Variants in TJP2 observed in about 807,000 individuals in gnomAD.
TJP2 encodes Friedreich ataxia region gene X104 (tight junction protein ZO-2).
In TJP2, 91 loss-of-function variants were observed where a neutral mutation model predicts 133.1. The ratio of observed to expected loss-of-function variants is 0.68; its 90% CI spans 0.58 to 0.81. TJP2 has a LOEUF of 0.81. TJP2 is among the 40% of genes least tolerant of loss of function. TJP2 has a pLI of 0.00. For missense variants in TJP2, 1,541 were observed against 1,565.6 expected (o/e 0.98, Z 0.26); for synonymous variants, 592 against 583.4 (o/e 1.01, Z -0.21).
rs1345615194 is a variant in TJP2, at chr9:69,254,588, C to G, written c.*214C>G. 4.7e-6 allele frequency: 3 copies of G among 640,440 alleles called. No homozygotes were observed. The allele number at this position is 640,440 out of a possible 1,614,324, so 39.7% of individuals were successfully genotyped here. On this transcript the variant is annotated 3_prime_UTR_variant, in exon 23 of 23. Transcript: ENST00000377245. ...GGGACTGGGTTAGAGGAGTCTGTGGCTTTTTGTTCAGAATTAAGCAGAACA... is the reference window on the plus strand; with the variant it reads ...GGGACTGGGTTAGAGGAGTCTGTGGGTTTTTGTTCAGAATTAAGCAGAACA...
rs544724168 is a variant in TJP2 at position 69,209,724 on chromosome 9, A to G, written c.61-2824A>G. Among the ~76,000 whole-genome samples the G allele has an allele frequency of 2.0e-3, 295 of 150,620 alleles. 2 individuals carry two copies. The highest frequency in any genetic ancestry group is 6.6e-3 in the African/African-American group (271 of 40,914). ...AGCCCAGATCGTGCCATTGCACTCC[A>G]GCCTGGGCTGGAGCAAAACTCCATC... On this transcript the variant is annotated intron_variant, in intron 1 of 22. Coordinates refer to ENST00000377245, the MANE Select transcript of TJP2 (RefSeq NM_004817.4).
chr9:69,159,892 TAC>T, intron 2 of TJP2, among the ~76,000 whole-genome samples: 1 of 54,262 alleles, frequency 1.8e-5, no homozygotes, highest in Non-Finnish European at 3.6e-5. Flanking sequence ...AAGAAATATA[TAC>T]ATATATATAT....
intron 1 of TJP2, among the ~76,000 whole-genome samples, chr9:69,207,082 T>G (rs1280688907): frequency 4.6e-5 from 7 of 152,084 alleles, no homozygotes; most frequent in African/African-American, 1.4e-4. Flanking sequence ...GAATGTTATG[T>G]TTTTCATTTC....
chr9:69,213,815 G>C (rs1828130909), intron 2 of TJP2, among the ~76,000 whole-genome samples: 1 of 152,124 alleles, frequency 6.6e-6, no homozygotes, highest in Non-Finnish European at 1.5e-5. Context: ...TTTAGGCTTG[G>C]CATAGAGGAT....
In TJP2 at chr9:69,246,503, G is replaced by T; in HGVS notation, c.2567-187G>T. ...TCCACCTATAATGTGAACTCAAACA[G>T]CTACATGATTAGTAGTTTTAATTGC... is the stretch of plus-strand genomic sequence containing the variant. On this transcript the variant is annotated intron_variant, in intron 17 of 22. Coordinates refer to ENST00000377245, the MANE Select transcript of TJP2 (RefSeq NM_004817.4). 1.1e-5 allele frequency: 7 copies of T among 627,774 alleles called. 1 individual carries two copies. The South Asian group carries it at 1.2e-4, about 11-fold the overall frequency. 38.9% of individuals were successfully genotyped at this position (627,774 alleles called of 1,614,324 possible). A position where few individuals can be genotyped will look rare whatever the true frequency, so the allele number is the denominator to read the frequency against.
upstream of TJP2, among the ~76,000 whole-genome samples, chr9:69,169,975 G>A (rs939787618): frequency 6.6e-6 from 1 of 151,976 alleles, no homozygotes; most frequent in Non-Finnish European, 1.5e-5. Flanking sequence ...CGAGTAGCTG[G>A]GACTACAGGC....
At chr9:69,242,636 A>G (rs879536298) in intron 17 of TJP2, among the ~76,000 whole-genome samples, 3 of 152,212 alleles carry the variant, frequency 2.0e-5, no homozygotes, top group Non-Finnish European at 2.9e-5. Context: ...AACTTTGACC[A>G]GCAAGCTCCA....
rs1157170913 is a variant in TJP2 at position 69,234,379 on chromosome 9, T to TTTCG, written c.1672-57_1672-56insGTTC. On this transcript the variant is annotated intron_variant, in intron 11 of 22. Transcript: ENST00000377245. ...TATAAACTTCTCTGTTTTTTCTTTCTTTCTTTCTTTCTTTCTTTCTTTTTT... is the reference window on the plus strand; with the variant it reads ...TATAAACTTCTCTGTTTTTTCTTTCTTTCGTTCTTTCTTTCTTTCTTTCTTTTTT... The TTTCG allele has an allele frequency of 8.6e-5, 111 of 1,288,436 alleles. 1 individual carries two copies. The Middle Eastern group carries it at 1.2e-3, about 14-fold the overall frequency. The allele number at this position is 1,288,436 out of a possible 1,614,324, so 79.8% of individuals were successfully genotyped here.
chr9:69,246,825 G>C, intron 18 of TJP2, 35 bp downstream of exon 18: 2 of 1,574,488 alleles, frequency 1.3e-6, no homozygotes, highest in Non-Finnish European at 1.7e-6. Flanking sequence ...TGAGGTGAGA[G>C]TCCCTGTTCT....
chr9:69,252,813 AG>A lies in TJP2; in HGVS notation c.3322-1del, dbSNP rs753448684. The stretch of plus-strand genomic sequence containing the variant: ...TATTCTTTTCTTTTTTAATTACCAC[AG>A]ATCGAAATTGCCCAGAAGCATCCTG... On this transcript the variant is annotated splice_acceptor_variant, in intron 21 of 22. Transcript: ENST00000377245. LOFTEE classifies it high-confidence loss of function. 1.2e-6 allele frequency: 2 copies of A among 1,614,064 alleles called. No homozygotes were observed. Among genetic ancestry groups the A allele is most frequent in the Admixed American group, 3.3e-5 (2 of 60,024 alleles).
intron 12 of TJP2, 44 bp downstream of exon 12, chr9:69,234,591 G>GGGGGGGCC: frequency 5.2e-6 from 3 of 572,848 alleles, no homozygotes; most frequent in Non-Finnish European, 1.0e-5. Context: ...TGGGGGTGGG[G>GGGGGGGCC]AGTGGGAAGG....
At chr9:69,238,368 T>A (rs12004431) in intron 15 of TJP2, among the ~76,000 whole-genome samples, 13,235 of 152,302 alleles carry the variant, frequency 0.087, 665 homozygotes, top group African/African-American at 0.13. Context: ...AGCTTTTTTT[T>A]AAATTCAGAA....
chr9:69,185,002 G>A lies in TJP2; in HGVS notation c.60+10570G>A, dbSNP rs113791684. Reference sequence around the variant, plus strand: ...TGGGCTCAGGCGATCCTCCTACCTCGGCCTCCCGAAGTGCTAGGATTATAG... The same window carrying A: ...TGGGCTCAGGCGATCCTCCTACCTCAGCCTCCCGAAGTGCTAGGATTATAG... On this transcript the variant is annotated intron_variant, in intron 1 of 22. Coordinates refer to ENST00000377245, the MANE Select transcript of TJP2 (RefSeq NM_004817.4). 3.4e-3 allele frequency among the ~76,000 whole-genome samples: 514 copies of A among 151,568 alleles called. 2 individuals carry two copies. Among genetic ancestry groups the A allele is most frequent in the African/African-American group, 0.011 (474 of 41,326 alleles).
At chr9:69,179,547 C>T (rs577404693) in intron 1 of TJP2, among the ~76,000 whole-genome samples, 7 of 145,498 alleles carry the variant, frequency 4.8e-5, no homozygotes, top group Non-Finnish European at 8.9e-5. Context: ...CTCCCTCTGT[C>T]GCCCAGGCTG....
Position 69,236,102 on chromosome 9 carries a change from A to G in TJP2, c.1855A>G (p.Thr619Ala), listed in dbSNP as rs766748789. The change falls in exon 13 of 23, where the codon ACT (threonine) becomes GCT (alanine). Residue 619 changes from threonine (T) to alanine (A), a missense_variant. Thr to Ala is a moderately conservative substitution (Grantham distance 58, BLOSUM62 0). Transcript: ENST00000377245. The part of the protein sequence containing the change: ...IRSHFECEKE[T>A]PQSLAFTRGE... Reference sequence around the variant, plus strand: ...AAGCCACTTTGAATGTGAGAAGGAAACTCCACAGAGCCTGGCCTTCACCAG... The same window carrying G: ...AAGCCACTTTGAATGTGAGAAGGAAGCTCCACAGAGCCTGGCCTTCACCAG... 2.5e-6 allele frequency: 4 copies of G among 1,614,016 alleles called. No individual in the cohort carries two copies. In the South Asian group the frequency reaches 4.4e-5, roughly 18 times the overall value.
rs1309543056 is a variant in TJP2 at position 69,240,126 on chromosome 9, AC to A, written c.2546del (p.Thr849SerfsTer12). The A allele has an allele frequency of 4.3e-6, 7 of 1,613,954 alleles. No individual in the cohort carries two copies. Among genetic ancestry groups the A allele is most frequent in the Non-Finnish European group, 5.9e-6 (7 of 1,179,970 alleles). ...TGATCAAGCCAACAAGCTTAAAAAA[AC>A]GTGTGCACACCTTTTTACAGGTAAG... ...LFDQANKLKK[T>X]CAHLFTATIN... On this transcript the variant is annotated frameshift_variant, in exon 17 of 23. Transcript: ENST00000377245. LOFTEE classifies it high-confidence loss of function.
At chr9:69,173,533 CAA>C (rs1824807925), upstream of TJP2, among the ~76,000 whole-genome samples, 1 of 152,018 alleles carries the variant, frequency 6.6e-6, no homozygotes, top group South Asian at 2.1e-4. Flanking sequence ...GGAAATGTGC[CAA>C]AGAGATAACC....
At chr9:69,247,825 C>G (rs1385039073) in intron 18 of TJP2, among the ~76,000 whole-genome samples, 187 bp from the exon 19 acceptor site, 1 of 152,010 alleles carries the variant, frequency 6.6e-6, no homozygotes, top group Non-Finnish European at 1.5e-5. Flanking sequence ...AGTTCCTGCA[C>G]AAAAACGACC....
At chr9:69,134,827 A>G (rs1822654029) in intron 1 of TJP2, among the ~76,000 whole-genome samples, 1 of 152,110 alleles carries the variant, frequency 6.6e-6, no homozygotes, top group Non-Finnish European at 1.5e-5. Context: ...AGGTGCCAGG[A>G]TGGTCAGGTT....
Sources: allele counts gnomAD v4.1 joint callset (sites outside exome capture counted in the v4.1 genomes callset), GRCh38; gene constraint gnomAD v4.1.1; transcripts MANE v1.5; gene names NCBI Gene and HGNC (gene_info 2026-07-23, HGNC 2026-07-21).